The following ADCY1 variants were observed in gnomAD, a reference collection of about 807,000 sequenced individuals.
ADCY1 encodes adenylate cyclase 1.
In ADCY1, 28 loss-of-function variants were observed where a neutral mutation model predicts 105.4. That is an observed-to-expected ratio of 0.27 (90% CI 0.20 to 0.36). The LOEUF (loss-of-function observed/expected upper bound fraction) is 0.36, where lower values mean the gene tolerates loss of function less well. Ranked by LOEUF, ADCY1 falls within the 10% of genes least tolerant of loss-of-function variation. The pLI, the probability that ADCY1 is intolerant of heterozygous loss-of-function variation, is 1.00. For missense variants in ADCY1, 977 were observed against 1,434.2 expected, an observed-to-expected ratio of 0.68 and a Z score of 5.15; for synonymous variants, 655 against 623.8, an observed-to-expected ratio of 1.05 and a Z score of -0.75.
intron 11 of ADCY1, 138 bp from the exon 12 acceptor site, chr7:45,684,839 CAT>C (rs1258573819): frequency 7.5e-6 from 5 of 665,856 alleles, no homozygotes; most frequent in South Asian, 4.6e-5. Context: ...AGCCAAGAGA[CAT>C]GTGAGGAGGG....
rs111839777 is a variant in ADCY1 at position 45,675,290 on chromosome 7, A to C, written c.1606-2579A>C. ...AACATTTTAACAAGTTTAGTGTAGA[A>C]ACTTTACCTCTTTTTCAGTCCCTTT... On this transcript the variant is annotated intron_variant, in intron 8 of 19. Transcript: ENST00000297323. 2.4e-3 allele frequency among the ~76,000 whole-genome samples: 366 copies of C among 152,234 alleles called. 1 individual carries two copies. Among genetic ancestry groups the C allele is most frequent in the African/African-American group, 8.4e-3 (348 of 41,556 alleles).
intron 2 of ADCY1, among the ~76,000 whole-genome samples, chr7:45,603,436 G>A (rs1202831465): frequency 6.6e-6 from 1 of 152,156 alleles, no homozygotes; most frequent in African/African-American, 2.4e-5. Flanking sequence ...AGTATGCAAA[G>A]CCTCTAGTTT....
intron 4 of ADCY1, among the ~76,000 whole-genome samples, chr7:45,644,525 T>G (rs1214593931): frequency 6.6e-6 from 1 of 152,242 alleles, no homozygotes; most frequent in Admixed American, 6.5e-5. Context: ...TGGATTCTCC[T>G]GCAGTGGCTC....
intron 2 of ADCY1, among the ~76,000 whole-genome samples, chr7:45,594,062 C>T (rs1436597776): frequency 6.6e-6 from 1 of 152,054 alleles, no homozygotes; most frequent in African/African-American, 2.4e-5. Context: ...AATGCCTGTG[C>T]TCGTGTGTAT....
chr7:45,613,306 A>G (rs75389199), intron 3 of ADCY1, among the ~76,000 whole-genome samples: 10,722 of 152,216 alleles, frequency 0.07, 393 homozygotes, highest in African/African-American at 0.084. Flanking sequence ...AATTCACTAG[A>G]AGGATTCAAC....
At chr7:45,697,103 T>C (rs892816529) in intron 14 of ADCY1, among the ~76,000 whole-genome samples, 9 of 152,236 alleles carry the variant, frequency 5.9e-5, no homozygotes, top group Admixed American at 5.2e-4. Flanking sequence ...CTTCAGTCAC[T>C]GAAACTGAGC....
At position 45,718,207 on chromosome 7, in the gene ADCY1, G is replaced by A. The variant is rs2461127; in HGVS notation, c.*4212G>A. On this transcript the variant is annotated 3_prime_UTR_variant, in exon 20 of 20. Transcript: ENST00000297323. ...AAGGCACCCACTCCATCCAAGATCC[G>A]TTCCAATTGATGAGCCTCAGTACTG... The A allele has an allele frequency of 0.35, 52,824 of 152,240 alleles. 10,721 individuals are homozygous for A. Among genetic ancestry groups the A allele is most frequent in the South Asian group, 0.62 (3,014 of 4,830 alleles). The allele number at this position is 152,240 out of a possible 1,614,324, so 9.4% of individuals were successfully genotyped here.
chr7:45,654,503 C>T (rs1028859361), intron 5 of ADCY1, among the ~76,000 whole-genome samples: 4 of 152,212 alleles, frequency 2.6e-5, no homozygotes, highest in Non-Finnish European at 5.9e-5. Context: ...GTCCCCCAGC[C>T]TGCATCCCTG....
intron 8 of ADCY1, chr7:45,664,584 T>G: frequency 8.6e-7 from 1 of 1,162,144 alleles, no homozygotes; most frequent in Non-Finnish European, 1.1e-6. Context: ...TCCTACCATC[T>G]CACAAAAAAG....
intron 14 of ADCY1, among the ~76,000 whole-genome samples, chr7:45,697,781 A>G (rs559290662): frequency 1.3e-3 from 191 of 152,342 alleles, no homozygotes; most frequent in Non-Finnish European, 2.4e-3. Context: ...GACTCATCCT[A>G]AGAAATGAAG....
At position 45,583,952 on chromosome 7, in the gene ADCY1, T is replaced by TTG. The variant is rs1562673110; in HGVS notation, c.639+8771_639+8772insGT. On this transcript the variant is annotated intron_variant, in intron 1 of 19. Coordinates refer to ENST00000297323, the MANE Select transcript of ADCY1 (RefSeq NM_021116.4). ...ACTGTGCCCTGTTTTTTTTTTTTTT[T>TTG]TTTTTTTTTTTTTCAGACAAAGTCT... is the stretch of plus-strand genomic sequence containing the variant. 4.1e-5 allele frequency among the ~76,000 whole-genome samples: 6 copies of TTG among 145,568 alleles called. No individual in the cohort carries two copies. The South Asian group carries it at 9.0e-4, about 22-fold the overall frequency.
upstream of ADCY1, among the ~76,000 whole-genome samples, chr7:45,574,363 G>A (rs1792246798): frequency 6.9e-6 from 1 of 144,538 alleles, no homozygotes; most frequent in Non-Finnish European, 1.5e-5. This position sits in a 1 kb window ranked among gnomAD's most constrained non-coding sequence, Gnocchi z 7.0. Context: ...CGGCGGGCGG[G>A]AGGGGACGCG....
chr7:45,670,160 T>A (rs369857955), intron 8 of ADCY1, among the ~76,000 whole-genome samples: 106 of 152,320 alleles, frequency 7.0e-4, no homozygotes, highest in African/African-American at 2.3e-3. Context: ...TATCACTGCA[T>A]CCTCCAGGGT....
chr7:45,650,443 T>G (rs1288731758), intron 5 of ADCY1, among the ~76,000 whole-genome samples: 2 of 152,168 alleles, frequency 1.3e-5, no homozygotes, highest in African/African-American at 4.8e-5. Flanking sequence ...TGTAGGTGGA[T>G]GCTTTAAGGA....
intron 4 of ADCY1, among the ~76,000 whole-genome samples, chr7:45,629,263 A>G (rs1051919422): frequency 2.0e-5 from 3 of 152,186 alleles, no homozygotes; most frequent in Admixed American, 2.0e-4. Context: ...TTGAGATTCA[A>G]CCAACTTGTT....
At chr7:45,629,543 G>A (rs890635774) in intron 4 of ADCY1, among the ~76,000 whole-genome samples, 2 of 142,096 alleles carry the variant, frequency 1.4e-5, no homozygotes, top group South Asian at 2.2e-4. Flanking sequence ...ACGGAGTCTC[G>A]CTCTGTCGCC....
At chr7:45,706,492 C>CAA (rs58794109) in intron 17 of ADCY1, among the ~76,000 whole-genome samples, 10,045 of 58,944 alleles carry the variant, frequency 0.17, 1,154 homozygotes, top group Non-Finnish European at 0.23. Flanking sequence ...ACATCACATG[C>CAA]AAAAAAAAAA....
At chr7:45,700,500 AGGAG>A (rs1220202428) in intron 14 of ADCY1, among the ~76,000 whole-genome samples, 1 of 152,178 alleles carries the variant, frequency 6.6e-6, no homozygotes, top group Non-Finnish European at 1.5e-5. Context: ...CTTTCCCAAA[AGGAG>A]GTGTTTGTGG....
At chr7:45,632,499 C>T (rs1024553580) in intron 4 of ADCY1, among the ~76,000 whole-genome samples, 5 of 150,656 alleles carry the variant, frequency 3.3e-5, no homozygotes, top group Non-Finnish European at 5.9e-5. Flanking sequence ...AATTTTTTCT[C>T]AGAAAAAATG....
Sources: gnomAD v4.1 joint callset for allele counts (sites outside exome capture counted in the v4.1 genomes callset) on GRCh38, gnomAD v4.1.1 for gene constraint, Gnocchi (gnomAD v3.1) non-coding constraint, MANE v1.5 for transcripts, NCBI Gene and HGNC (gene_info 2026-07-23, HGNC 2026-07-21) for gene names.